GCNT2: variants seen among roughly 807,000 people sequenced by gnomAD.
The protein encoded by GCNT2 is glucosaminyl (N-acetyl) transferase 2 (I blood group).
A neutral mutation model predicts 34.2 loss-of-function variants in GCNT2; 34 were observed. The ratio of observed to expected loss-of-function variants is 1.00; its 90% CI spans 0.76 to 1.32. The LOEUF (loss-of-function observed/expected upper bound fraction) is 1.32. GCNT2 is among the 40% of genes most tolerant of loss of function. The probability of loss-of-function intolerance (pLI) is 0.00; values close to 1 mark genes in which losing one functional copy is unlikely to be tolerated. For synonymous variants in GCNT2, 212 were observed against 188.0 expected (o/e 1.13, Z -1.04); for missense variants, 584 against 489.4 (o/e 1.19, Z -1.82).
At chr6:10,579,363 A>G (rs1763964926) in intron 3 of GCNT2, among the ~76,000 whole-genome samples, 2 of 152,226 alleles carry the variant, frequency 1.3e-5, no homozygotes, top group Admixed American at 1.3e-4. Context: ...TATGTATAAC[A>G]TGTCTATTAA....
chr6:10,610,952 G>A (rs1326820226), intron 3 of GCNT2, among the ~76,000 whole-genome samples: 1 of 152,204 alleles, frequency 6.6e-6, no homozygotes, highest in Non-Finnish European at 1.5e-5. Flanking sequence ...AAACTAAGGA[G>A]TGAATTTGTT....
chr6:10,572,387 G>T (rs1459693012), intron 3 of GCNT2, among the ~76,000 whole-genome samples: 1 of 152,190 alleles, frequency 6.6e-6, no homozygotes, highest in Non-Finnish European at 1.5e-5. Flanking sequence ...TTTTCCCATT[G>T]TTTTTGAGGA....
chr6:10,582,989 C>T (rs576370496), intron 3 of GCNT2, among the ~76,000 whole-genome samples: 2 of 152,238 alleles, frequency 1.3e-5, no homozygotes, highest in South Asian at 4.2e-4. Context: ...TAACTTTACC[C>T]AGGCACTGTG....
chr6:10,608,780 G>A (rs977795968), intron 3 of GCNT2, among the ~76,000 whole-genome samples: 2 of 152,224 alleles, frequency 1.3e-5, no homozygotes, highest in African/African-American at 4.8e-5. Flanking sequence ...AAGCCAAGGT[G>A]CAAAGAGCTG....
chr6:10,585,712 G>A (rs1235966641), intron 3 of GCNT2: 3 of 1,274,946 alleles, frequency 2.4e-6, no homozygotes, highest in Non-Finnish European at 3.1e-6. Flanking sequence ...GACTGGGCTG[G>A]GCTTAGCTGA....
chr6:10,588,897 G>GTTGTGTGTGTT (rs1764480540), intron 3 of GCNT2, among the ~76,000 whole-genome samples: 1 of 146,104 alleles, frequency 6.8e-6, no homozygotes, highest in Non-Finnish European at 1.5e-5. Flanking sequence ...TAGCGTGTGT[G>GTTGTGTGTGTT]TTGTGTGGTG....
intron 3 of GCNT2, among the ~76,000 whole-genome samples, chr6:10,613,742 C>G (rs1252779199): frequency 6.6e-6 from 1 of 152,108 alleles, no homozygotes; most frequent in Non-Finnish European, 1.5e-5. Context: ...TGATGGTATA[C>G]AGTGTTTTTT....
intron 3 of GCNT2, among the ~76,000 whole-genome samples, chr6:10,582,231 TTTAAATATA>T (rs1471373435): frequency 8.9e-6 from 1 of 112,790 alleles, no homozygotes; most frequent in Non-Finnish European, 1.7e-5. Flanking sequence ...ATTATATATA[TTTAAATATA>T]TAAAATATAT....
intron 3 of GCNT2, among the ~76,000 whole-genome samples, chr6:10,575,762 C>T (rs13203432): frequency 0.11 from 17,484 of 152,050 alleles, 1,246 homozygotes; most frequent in Middle Eastern, 0.18. Flanking sequence ...TGTAAATGGC[C>T]GGTCCTTGCC....
intron 3 of GCNT2, among the ~76,000 whole-genome samples, chr6:10,554,443 T>A (rs559221854): frequency 6.6e-6 from 1 of 152,354 alleles, no homozygotes; most frequent in South Asian, 2.1e-4. Context: ...GTCTGTCTCC[T>A]AAGTTTGTAT....
intron 3 of GCNT2, among the ~76,000 whole-genome samples, chr6:10,577,200 G>C (rs984441839): frequency 6.6e-6 from 1 of 152,254 alleles, no homozygotes; most frequent in South Asian, 2.1e-4. Context: ...ATCAAATGGA[G>C]AGAAATCACA....
At chr6:10,556,866 C>A in intron 3 of GCNT2, 2 of 1,614,176 alleles carry the variant, frequency 1.2e-6, no homozygotes, top group South Asian at 2.2e-5. Flanking sequence ...TTCCCAAACG[C>A]TTTTCTGGCT....
intron 4 of GCNT2, among the ~76,000 whole-genome samples, chr6:10,624,819 C>A (rs190655851): frequency 2.6e-5 from 4 of 151,936 alleles, no homozygotes. Context: ...ATCTGTGGGC[C>A]CCCTCTCTCA....
intron 3 of GCNT2, chr6:10,573,009 TAA>T (rs1763622356): frequency 5.6e-6 from 1 of 180,038 alleles, no homozygotes; most frequent in Non-Finnish European, 1.1e-5. Flanking sequence ...GGAGCTAGTA[TAA>T]GAGTGGATTG....
chr6:10,589,124 A>AG (rs1764507833), intron 3 of GCNT2, among the ~76,000 whole-genome samples: 1 of 75,996 alleles, frequency 1.3e-5, no homozygotes, highest in Non-Finnish European at 2.6e-5. Context: ...GTGTGTGTGT[A>AG]TGTGTGGTGT....
At chr6:10,529,878 G>T in intron 3 of GCNT2, 42 bp downstream of exon 3, 2 of 1,426,712 alleles carry the variant, frequency 1.4e-6, no homozygotes, top group East Asian at 2.3e-5. Context: ...AATAAACACT[G>T]CATGGTCAAT....
intron 3 of GCNT2, among the ~76,000 whole-genome samples, chr6:10,618,255 C>G (rs1477860554): frequency 2.0e-5 from 3 of 152,344 alleles, no homozygotes; most frequent in African/African-American, 7.2e-5. Flanking sequence ...AATGCACAAA[C>G]ATGCATAATA....
At chr6:10,622,731 C>T (rs1052134049) in intron 4 of GCNT2, among the ~76,000 whole-genome samples, 1 of 148,984 alleles carries the variant, frequency 6.7e-6, no homozygotes, top group Non-Finnish European at 1.5e-5. Context: ...TGCCTCTACT[C>T]CTCAGTCCAT....
intron 3 of GCNT2, chr6:10,557,222 C>G: frequency 6.3e-7 from 1 of 1,588,910 alleles, no homozygotes; most frequent in Non-Finnish European, 8.6e-7. Context: ...CTATGTGGCT[C>G]TATCAAGAGA....
Sources: allele counts gnomAD v4.1 joint callset (sites outside exome capture counted in the v4.1 genomes callset), GRCh38; gene constraint gnomAD v4.1.1; transcripts MANE v1.5; gene names NCBI Gene and HGNC (gene_info 2026-07-23, HGNC 2026-07-21).